RCOR1: variants seen among roughly 807,000 people sequenced by gnomAD.
RCOR1 encodes the protein REST corepressor 1, also known as REST corepressor.
In RCOR1, 12 loss-of-function variants were observed where a neutral mutation model predicts 64.0. The observed-to-expected ratio is 0.19, with a 90% CI of 0.12 to 0.30. RCOR1 has a LOEUF of 0.30. Ranked by LOEUF, RCOR1 falls within the 10% of genes least tolerant of loss-of-function variation. The pLI, the probability that RCOR1 is intolerant of heterozygous loss-of-function variation, is 1.00. For missense variants in RCOR1, 502 were observed against 621.2 expected (o/e 0.81, Z 2.04); for synonymous variants, 279 against 227.2 (o/e 1.23, Z -2.05).
Position 102,714,571 on chromosome 14 carries a change from C to T in RCOR1, c.1007C>T (p.Thr336Met), listed in dbSNP as rs200081252. Residue 336 changes from threonine to methionine, a missense_variant, in exon 8 of 12, where the codon ACG (threonine) becomes ATG (methionine). This residue lies in a region of RCOR1 where 260 missense variants were observed against 416.4 expected (regional missense o/e 0.62). Transcript: ENST00000262241. ...TCTGCCAATGCCACTGCTGCTACCA[C>T]GGTGCTGAGACAACTAGACATGGAA... Reference protein sequence around the residue: ...AVSANATAATTVLRQLDMELV... With the variant: ...AVSANATAATMVLRQLDMELV... 13 of 1,613,188 alleles carry T rather than the reference C, an allele frequency of 8.1e-6. No individual in the cohort carries two copies. Among genetic ancestry groups the T allele is most frequent in the East Asian group, 2.2e-5 (1 of 44,874 alleles).
chr14:102,614,459 C>T lies in RCOR1; in HGVS notation c.361+21134C>T, dbSNP rs902057855. On this transcript the variant is annotated intron_variant, in intron 2 of 11. Coordinates refer to ENST00000262241, the MANE Select transcript of RCOR1 (RefSeq NM_015156.4). Reference sequence around the variant, plus strand: ...CAGCATGGTCTCGATCTCTTGACCTCGTGATCCGCCCGCCTCGGCCTCCCA... The same window carrying T: ...CAGCATGGTCTCGATCTCTTGACCTTGTGATCCGCCCGCCTCGGCCTCCCA... 4.7e-5 allele frequency among the ~76,000 whole-genome samples: 7 copies of T among 148,336 alleles called. No homozygotes were observed. The East Asian group carries it at 6.1e-4, about 13-fold the overall frequency.
chr14:102,681,006 C>G (rs1895290993), intron 2 of RCOR1, among the ~76,000 whole-genome samples: 1 of 152,064 alleles, frequency 6.6e-6, no homozygotes, highest in Non-Finnish European at 1.5e-5. Context: ...TGTAAAATTT[C>G]CTCTTTATGA....
In RCOR1 at chr14:102,592,673, A is replaced by G. The variant is rs1257960271; in HGVS notation, c.-214A>G. ...TGGTGCCAGTGAAGTGAGGGCGGCG[A>G]TGAGAGCGAAAGTTGCGCTCGGCTC... On this transcript the variant is annotated 5_prime_UTR_variant, in exon 1 of 12. An upstream start codon of the reference 5' UTR is lost. Coordinates refer to ENST00000262241, the MANE Select transcript of RCOR1 (RefSeq NM_015156.4). 4.9e-6 allele frequency: 6 copies of G among 1,212,516 alleles called. No homozygotes were observed. Among genetic ancestry groups the G allele is most frequent in the Middle Eastern group, 3.2e-4 (1 of 3,132 alleles). 75.1% of individuals were successfully genotyped at this position (1,212,516 alleles called of 1,614,324 possible). A position where few individuals can be genotyped will look rare whatever the true frequency, so the allele number is the denominator to read the frequency against.
At chr14:102,623,892 T>TA (rs561793328) in intron 2 of RCOR1, among the ~76,000 whole-genome samples, 98 of 149,270 alleles carry the variant, frequency 6.6e-4, no homozygotes, top group South Asian at 3.6e-3. Flanking sequence ...CCATCTCTAC[T>TA]AAAAAAAATA....
At chr14:102,694,067 C>G (rs371619866) in intron 3 of RCOR1, among the ~76,000 whole-genome samples, 1 of 152,146 alleles carries the variant, frequency 6.6e-6, no homozygotes, top group Non-Finnish European at 1.5e-5. Context: ...CTTACCTTTG[C>G]TTCACTTAAG....
intron 2 of RCOR1, among the ~76,000 whole-genome samples, chr14:102,654,092 TCTC>T (rs1356067276): frequency 6.7e-6 from 1 of 149,782 alleles, no homozygotes; most frequent in Non-Finnish European, 1.5e-5. Context: ...TTCACGCCAT[TCTC>T]CTGCCTCAGC....
rs538510895 is a variant in RCOR1 at position 102,593,078 on chromosome 14, C to T, written c.192C>T (p.Ala64=). Residue 64 remains alanine, a synonymous_variant, in exon 1 of 12, where the codon GCC becomes GCT. Coordinates refer to ENST00000262241, the MANE Select transcript of RCOR1 (RefSeq NM_015156.4). ...CCGCCGCCGCCTCAGCCGCCGCCGC[C>T]CCCAATAATGGCCAGAATAAAAGTT... ...ASAAAASAAA[A]PNNGQNKSLA... 2.8e-5 allele frequency: 41 copies of T among 1,439,222 alleles called. No homozygotes were observed. The African/African-American group carries it at 5.7e-4, about 20-fold the overall frequency. The allele number at this position is 1,439,222 out of a possible 1,614,324, so 89.2% of individuals were successfully genotyped here. A position where few individuals can be genotyped will look rare whatever the true frequency, so the allele number is the denominator to read the frequency against.
chr14:102,668,508 T>C (rs145238557), intron 2 of RCOR1, among the ~76,000 whole-genome samples: 1 of 152,290 alleles, frequency 6.6e-6, no homozygotes, highest in East Asian at 1.9e-4. Flanking sequence ...TGGTTATGTG[T>C]ATGTCAGTTG....
intron 2 of RCOR1, chr14:102,657,609 G>A: frequency 7.2e-6 from 6 of 831,244 alleles, no homozygotes; most frequent in Non-Finnish European, 8.7e-6. Flanking sequence ...AGGCCAAGGC[G>A]GGCAGATCAC....
chr14:102,681,567 A>C (rs1439780835), intron 2 of RCOR1, among the ~76,000 whole-genome samples: 2 of 152,262 alleles, frequency 1.3e-5, no homozygotes, highest in African/African-American at 4.8e-5. Flanking sequence ...AGAGAAGGGT[A>C]AGGGTGCTGC....
At chr14:102,596,875 CTT>C (rs61687380) in intron 2 of RCOR1, among the ~76,000 whole-genome samples, 25 of 115,356 alleles carry the variant, frequency 2.2e-4, no homozygotes, top group African/African-American at 4.2e-4. Flanking sequence ...CTCCCCCCGC[CTT>C]TTTTTTTTTT....
At chr14:102,608,085 TACAATGA>T in intron 2 of RCOR1, among the ~76,000 whole-genome samples, 1 of 152,180 alleles carries the variant, frequency 6.6e-6, no homozygotes, top group East Asian at 1.9e-4. Context: ...TTAACCGTTT[TACAATGA>T]ACAATTCAGT....
At chr14:102,653,947 C>CTT (rs1401608621) in intron 2 of RCOR1, among the ~76,000 whole-genome samples, 1 of 43,336 alleles carries the variant, frequency 2.3e-5, no homozygotes, top group Admixed American at 2.4e-4. Flanking sequence ...TTCTTTCTTT[C>CTT]TTTCTTTCTT....
At chr14:102,718,126 A>G (rs1190153116) in intron 8 of RCOR1, among the ~76,000 whole-genome samples, 4 of 152,274 alleles carry the variant, frequency 2.6e-5, no homozygotes, top group African/African-American at 7.2e-5. Context: ...GTGTTAGTTC[A>G]TGTGTTCAGT....
At chr14:102,721,246 A>C in intron 9 of RCOR1, 74 bp from the exon 10 acceptor site, 1 of 1,350,544 alleles carries the variant, frequency 7.4e-7, no homozygotes, top group Non-Finnish European at 1.1e-6. Context: ...GAGAAAATGA[A>C]AGGTTCGTTA....
intron 2 of RCOR1, among the ~76,000 whole-genome samples, chr14:102,674,666 G>T (rs1038942417): frequency 3.9e-5 from 6 of 152,094 alleles, no homozygotes; most frequent in Non-Finnish European, 8.8e-5. Context: ...CTAGCCGTGT[G>T]AATAAACCTT....
At position 102,649,653 on chromosome 14, in the gene RCOR1, G is replaced by A. The variant is rs540497853; in HGVS notation, c.362-32242G>A. 6.8e-5 allele frequency: 17 copies of A among 251,244 alleles called. No homozygotes were observed. In the South Asian group the frequency reaches 1.5e-3, roughly 22 times the overall value. The allele number at this position is 251,244 out of a possible 1,614,324, so 15.6% of individuals were successfully genotyped here. On this transcript the variant is annotated intron_variant, in intron 2 of 11. Coordinates refer to ENST00000262241, the MANE Select transcript of RCOR1 (RefSeq NM_015156.4). ...AGTGTCCTTGTGTTTAACACCTGCA[G>A]CAGTTAAGACCTCCACTGAAGCAGT... is the stretch of plus-strand genomic sequence containing the variant.
intron 2 of RCOR1, among the ~76,000 whole-genome samples, chr14:102,602,479 C>T (rs1374580686): frequency 6.7e-6 from 1 of 149,466 alleles, no homozygotes; most frequent in Non-Finnish European, 1.5e-5. Context: ...TCTCCTCTCA[C>T]TGTAACCTCC....
intron 2 of RCOR1, among the ~76,000 whole-genome samples, chr14:102,679,484 CT>C (rs896839503): frequency 7.4e-4 from 103 of 138,696 alleles, no homozygotes; most frequent in Non-Finnish European, 7.4e-4. Context: ...CTTTTTTTTT[CT>C]TTTTTTTTTT....
Sources: allele counts gnomAD v4.1 joint callset (sites outside exome capture counted in the v4.1 genomes callset), GRCh38; gene constraint gnomAD v4.1.1; regional missense constraint gnomAD v4.1.1; transcripts MANE v1.5; gene names NCBI Gene and HGNC (gene_info 2026-07-23, HGNC 2026-07-21).